GIT2: variants seen among roughly 807,000 people sequenced by gnomAD.
GIT2 encodes GIT ArfGAP 2, also known as ARF GTPase-activating protein GIT2.
In GIT2, 32 loss-of-function variants were observed where a neutral mutation model predicts 100.3. The ratio of observed to expected loss-of-function variants is 0.32; its 90% confidence interval spans 0.24 to 0.43. The LOEUF (loss-of-function observed/expected upper bound fraction) is 0.43, where lower values mean the gene tolerates loss of function less well. Ranked by LOEUF, GIT2 falls within the 20% of genes least tolerant of loss-of-function variation. The pLI, the probability that GIT2 is intolerant of heterozygous loss-of-function variation, is 1.00. For synonymous variants in GIT2, 353 were observed against 364.1 expected, an observed-to-expected ratio of 0.97 and a Z score of 0.35; for missense variants, 737 against 975.1, an observed-to-expected ratio of 0.76 and a Z score of 3.25.
intron 1 of GIT2, 195 bp from the exon 2 acceptor site, chr12:109,991,955 G>T: frequency 2.0e-6 from 1 of 498,132 alleles, no homozygotes; most frequent in Non-Finnish European, 3.6e-6. Context: ...TGTTAATTGA[G>T]ACTAAAAACA....
chr12:109,999,684 T>A, upstream of GIT2: 1 of 1,531,760 alleles, frequency 6.5e-7, no homozygotes, highest in Non-Finnish European at 8.8e-7. This position sits in a 1 kb window ranked among gnomAD's most constrained non-coding sequence, Gnocchi z 4.3. Context: ...TACGGCCTCC[T>A]CGCCATGTCC....
rs577459866 is a variant in GIT2 at position 109,970,458 on chromosome 12, A to T, written c.719-2955T>A. On this transcript the variant is annotated intron_variant, in intron 7 of 19. Coordinates refer to ENST00000355312, the MANE Select transcript of GIT2 (RefSeq NM_057169.5). ...CAGTGAGCCAAGATCCCACCACTGC[A>T]CTCCAGCCTGGGTGACAGAGCAAGA... 1.2e-4 allele frequency among the ~76,000 whole-genome samples: 19 copies of T among 152,274 alleles called. 1 individual carries two copies. The highest frequency in any genetic ancestry group is 3.9e-4 in the Admixed American group (6 of 15,288).
intron 7 of GIT2, among the ~76,000 whole-genome samples, chr12:109,975,937 A>G (rs1001157017): frequency 6.6e-6 from 1 of 151,728 alleles, no homozygotes; most frequent in Non-Finnish European, 1.5e-5. Context: ...ATGCCTAGCT[A>G]ATTTTTGTAT....
intron 7 of GIT2, among the ~76,000 whole-genome samples, chr12:109,969,162 CTTTT>C (rs71079595): frequency 5.6e-5 from 5 of 89,090 alleles, no homozygotes; most frequent in South Asian, 4.4e-4. Context: ...AAAACTTTTC[CTTTT>C]TTTTTTTTTT....
intron 14 of GIT2, chr12:109,950,934 C>A: frequency 1.9e-6 from 1 of 519,288 alleles, no homozygotes. Context: ...TTCTAATGGG[C>A]ACAAATGCTT....
chr12:109,954,647 C>T (rs376691597), intron 12 of GIT2: 2 of 152,256 alleles, frequency 1.3e-5, no homozygotes, highest in East Asian at 3.9e-4. Flanking sequence ...ATCCGTAATC[C>T]CAGCACTTTG....
chr12:109,985,845 T>C (rs1036686925), intron 4 of GIT2, among the ~76,000 whole-genome samples: 1 of 143,458 alleles, frequency 7.0e-6, no homozygotes, highest in African/African-American at 2.8e-5. Flanking sequence ...AGAGACTCTA[T>C]CTAAAAAAAA....
chr12:109,988,664 C>T (rs185823172), intron 4 of GIT2, among the ~76,000 whole-genome samples: 4 of 152,082 alleles, frequency 2.6e-5, no homozygotes, highest in Admixed American at 6.6e-5. Context: ...ACCAGCCTGG[C>T]CAACATGGTG....
chr12:109,987,330 G>A (rs1887595050), intron 4 of GIT2, among the ~76,000 whole-genome samples: 1 of 151,932 alleles, frequency 6.6e-6, no homozygotes, highest in African/African-American at 2.4e-5. Flanking sequence ...CTTGCAGTGA[G>A]CTGAGATCGC....
At chr12:109,967,750 G>A (rs911786066) in intron 7 of GIT2, among the ~76,000 whole-genome samples, 5 of 152,160 alleles carry the variant, frequency 3.3e-5, no homozygotes, top group South Asian at 2.1e-4. Context: ...CAATCACGAC[G>A]ATTAGTTTGC....
chr12:109,981,884 C>G (rs530407676), intron 6 of GIT2: 1 of 152,378 alleles, frequency 6.6e-6, no homozygotes, highest in East Asian at 1.9e-4. Flanking sequence ...TTTGCACCAA[C>G]CTGATAGTTT....
In GIT2 at chr12:109,991,723, T is replaced by G. The variant is rs1452428901; in HGVS notation, c.90A>C (p.Leu30Phe). The G allele has an allele frequency of 1.2e-6, 2 of 1,613,156 alleles. No homozygotes were observed. Among genetic ancestry groups the G allele is most frequent in the Non-Finnish European group, 1.7e-6 (2 of 1,179,324 alleles). Residue 30 changes from leucine (L) to phenylalanine (F), a missense_variant, in exon 2 of 20, where the codon TTA becomes TTC. Around this residue, in one of 3 missense-constraint regions of GIT2, gnomAD observed 266 missense variants for 376.2 expected, o/e 0.71. Transcript: ENST00000355312. ...GATGGACACTGCAGCACTCATCACA[T>G]AAAAACGTTCCCCTATTTACTGATG... Reference protein sequence around the residue: ...SWASVNRGTFLCDECCSVHRS... With the variant: ...SWASVNRGTFFCDECCSVHRS...
chr12:109,947,826 T>C lies in GIT2; in HGVS notation c.1393-322A>G, dbSNP rs1876756994. On this transcript the variant is annotated intron_variant, in intron 14 of 19. Transcript: ENST00000355312. The surrounding 1 kb of genome is among the most constrained non-coding windows in gnomAD (Gnocchi z 4.3). ...CTGGGAAATGTTTGCAGGCAAGCTG[T>C]ACACTGGATTATTACTAAGGCTGTT... 3.4e-6 allele frequency: 1 copy of C among 291,400 alleles called. No individual in the cohort carries two copies. The highest frequency in any genetic ancestry group is 6.6e-6 in the Non-Finnish European group (1 of 151,784). The allele number at this position is 291,400 out of a possible 1,614,324, so 18.1% of individuals were successfully genotyped here. A position where few individuals can be genotyped will look rare whatever the true frequency, so the allele number is the denominator to read the frequency against.
rs532450874 is a variant in GIT2, at chr12:109,980,265, A to G, written c.718+687T>C. Reference sequence around the variant, plus strand: ...AACTTTTTTGTGGAGACGGAGTCTCACCCCTCTTGCCCAGGCTACTTTCGA... The same window carrying G: ...AACTTTTTTGTGGAGACGGAGTCTCGCCCCTCTTGCCCAGGCTACTTTCGA... On this transcript the variant is annotated intron_variant, in intron 7 of 19. Coordinates refer to ENST00000355312, the MANE Select transcript of GIT2 (RefSeq NM_057169.5). Among the ~76,000 whole-genome samples the G allele has an allele frequency of 7.2e-5, 11 of 152,156 alleles. No homozygotes were observed. In the South Asian group the frequency reaches 2.3e-3, roughly 32 times the overall value.
Position 109,947,197 on chromosome 12 carries a change from G to A in GIT2, c.1641+59C>T. On this transcript the variant is annotated intron_variant, in intron 15 of 19. Transcript: ENST00000355312. This position sits in a 1 kb window ranked among gnomAD's most constrained non-coding sequence, Gnocchi z 4.3. ...GTGGGGACCTGTAGGTTCAGAAGAG[G>A]GAACAGAGTAGACAGGCTGCATAGA... The A allele has an allele frequency of 2.0e-6, 3 of 1,528,712 alleles. No homozygotes were observed. The highest frequency in any genetic ancestry group is 2.7e-6 in the Non-Finnish European group (3 of 1,124,510). The allele number at this position is 1,528,712 out of a possible 1,614,324, so 94.7% of individuals were successfully genotyped here.
chr12:109,932,505 A>G lies in GIT2; in HGVS notation c.*473T>C, dbSNP rs563947347. On this transcript the variant is annotated 3_prime_UTR_variant, in exon 20 of 20. Coordinates refer to ENST00000355312, the MANE Select transcript of GIT2 (RefSeq NM_057169.5). ...CTACATACATGCTTGGAGATACCCC[A>G]AACTTAGAGATTATGAAGTAGGCCA... 62 of 162,118 alleles carry G rather than the reference A, an allele frequency of 3.8e-4. No individual in the cohort carries two copies. In the South Asian group the frequency reaches 1.0e-2, roughly 26 times the overall value. 10.0% of individuals were successfully genotyped at this position (162,118 alleles called of 1,614,324 possible). A position where few individuals can be genotyped will look rare whatever the true frequency, so the allele number is the denominator to read the frequency against.
chr12:109,948,437 A>T lies in GIT2; in HGVS notation c.1393-933T>A, dbSNP rs1876927661. The T allele has an allele frequency of 9.8e-7, 1 of 1,020,042 alleles. No individual in the cohort carries two copies. The highest frequency in any genetic ancestry group is 1.2e-6 in the Non-Finnish European group (1 of 853,076). The allele number at this position is 1,020,042 out of a possible 1,614,324, so 63.2% of individuals were successfully genotyped here. A position where few individuals can be genotyped will look rare whatever the true frequency, so the allele number is the denominator to read the frequency against. On this transcript the variant is annotated intron_variant, in intron 14 of 19. Coordinates refer to ENST00000355312, the MANE Select transcript of GIT2 (RefSeq NM_057169.5). The surrounding 1 kb of genome is among the most constrained non-coding windows in gnomAD (Gnocchi z 4.3). ...GCCCTGAATGCTCCTTCCATTCCTCACATGCAGGCTGCTCCATGGTGCTGG... is the reference window on the plus strand; with the variant it reads ...GCCCTGAATGCTCCTTCCATTCCTCTCATGCAGGCTGCTCCATGGTGCTGG...
rs138784761 is a variant in GIT2 at position 109,959,243 on chromosome 12, T to G, written c.1099+604A>C. ...CCACCATGCCTTGCTAATTTTTGTATTTTTAGTAGAGAGGTGGTTTCACCA... is the reference window on the plus strand; with the variant it reads ...CCACCATGCCTTGCTAATTTTTGTAGTTTTAGTAGAGAGGTGGTTTCACCA... On this transcript the variant is annotated intron_variant, in intron 12 of 19. Coordinates refer to ENST00000355312, the MANE Select transcript of GIT2 (RefSeq NM_057169.5). 9.2e-3 allele frequency among the ~76,000 whole-genome samples: 1,400 copies of G among 152,018 alleles called. 32 individuals carry two copies. The highest frequency in any genetic ancestry group is 0.032 in the African/African-American group (1,329 of 41,474).
rs182277378 is a variant in GIT2 at position 109,929,831 on chromosome 12, C to T, written c.*3147G>A. The T allele has an allele frequency of 2.7e-4, 41 of 152,704 alleles. No homozygotes were observed. Among genetic ancestry groups the T allele is most frequent in the African/African-American group, 9.6e-4 (40 of 41,554 alleles). 9.5% of individuals were successfully genotyped at this position (152,704 alleles called of 1,614,324 possible). ...CTTGTAGAGCCTGTTTATTGCATAA[C>T]TAGCAGGCACAAATTCCAAAACGAT... On this transcript the variant is annotated 3_prime_UTR_variant, in exon 20 of 20. Coordinates refer to ENST00000355312, the MANE Select transcript of GIT2 (RefSeq NM_057169.5).
Sources: allele counts gnomAD v4.1 joint callset (sites outside exome capture counted in the v4.1 genomes callset), GRCh38; gene constraint gnomAD v4.1.1; regional missense constraint gnomAD v4.1.1; non-coding constraint Gnocchi (gnomAD v3.1); transcripts MANE v1.5; gene names NCBI Gene and HGNC (gene_info 2026-07-23, HGNC 2026-07-21).